The following ABCA4 variants were observed in gnomAD, a reference collection of about 807,000 sequenced individuals.
The protein encoded by ABCA4 is retinal-specific phospholipid-transporting ATPase ABCA4.
In ABCA4, 196 loss-of-function variants were observed where a neutral mutation model predicts 263.7. The ratio of observed to expected loss-of-function variants is 0.74; its 90% CI spans 0.66 to 0.84. The LOEUF is 0.84. ABCA4 is among the 40% of genes least tolerant of loss of function. The probability of loss-of-function intolerance (pLI) is 0.00; values close to 1 mark genes in which losing one functional copy is unlikely to be tolerated. For synonymous variants in ABCA4, 1,133 were observed against 1,094.2 expected (o/e 1.04, Z -0.70); for missense variants, 2,792 against 2,855.1 (o/e 0.98, Z 0.50).
chr1:94,093,164 T>C (rs993661880), intron 6 of ABCA4, among the ~76,000 whole-genome samples: 2 of 152,198 alleles, frequency 1.3e-5, no homozygotes, highest in Admixed American at 6.5e-5. Flanking sequence ...GGGAGGATGC[T>C]GAATACTTCA....
At chr1:94,022,160 G>C (rs551184149) in intron 32 of ABCA4, among the ~76,000 whole-genome samples, 1 of 152,310 alleles carries the variant, frequency 6.6e-6, no homozygotes, top group South Asian at 2.1e-4. Context: ...TGGCCTCTGA[G>C]GCCCTTCTGC....
In ABCA4 at chr1:94,030,994, A is replaced by T; in HGVS notation, c.4253+2T>A. 6.2e-7 allele frequency: 1 copy of T among 1,613,980 alleles called. No homozygotes were observed. On this transcript the variant is annotated splice_donor_variant, in intron 28 of 49. Transcript: ENST00000370225. LOFTEE classifies it high-confidence loss of function. Reference sequence around the variant, plus strand: ...GAGAATGGTGACCCCGAGTCCGCGCACCTGAAGAAGGTGTACTGCTGCCCA... The same window carrying T: ...GAGAATGGTGACCCCGAGTCCGCGCTCCTGAAGAAGGTGTACTGCTGCCCA...
chr1:94,000,861 C>A lies in ABCA4; in HGVS notation c.6454G>T (p.Gly2152Cys), dbSNP rs1571241947. ...TTGGACTTGAGATGCTGAATGGTGCCCATACATCGAAAGGCGCCCTTTACC... is the reference window on the plus strand; with the variant it reads ...TTGGACTTGAGATGCTGAATGGTGCACATACATCGAAAGGCGCCCTTTACC... ...IMVKGAFRCMGTIQHLKSKFG... is the reference protein window; with the variant it reads ...IMVKGAFRCMCTIQHLKSKFG... Residue 2152 changes from glycine (G) to cysteine (C), a missense_variant, in exon 47 of 50, where the codon GGC becomes TGC. Coordinates refer to ENST00000370225, the MANE Select transcript of ABCA4 (RefSeq NM_000350.3). 1.2e-6 allele frequency: 2 copies of A among 1,614,146 alleles called. No homozygotes were observed. The highest frequency in any genetic ancestry group is 1.7e-6 in the Non-Finnish European group (2 of 1,180,030).
At chr1:94,054,243 T>G (rs1316528196) in intron 16 of ABCA4, among the ~76,000 whole-genome samples, 1 of 152,254 alleles carries the variant, frequency 6.6e-6, no homozygotes, top group Non-Finnish European at 1.5e-5. Flanking sequence ...GCACTGGGAC[T>G]GTCACAGTTA....
chr1:94,051,572 TC>T, intron 17 of ABCA4, 60 bp downstream of exon 17: 1 of 1,431,222 alleles, frequency 7.0e-7, no homozygotes, highest in Non-Finnish European at 9.9e-7. Flanking sequence ...TCCATATACA[TC>T]TTGCACAGAG....
At chr1:94,067,995 T>A (rs1334173800) in intron 11 of ABCA4, among the ~76,000 whole-genome samples, 1 of 152,224 alleles carries the variant, frequency 6.6e-6, no homozygotes. Context: ...GTCAACAGAC[T>A]TTTAAGCCCC....
intron 2 of ABCA4, among the ~76,000 whole-genome samples, chr1:94,111,849 G>A (rs753474850): frequency 6.6e-6 from 1 of 152,174 alleles, no homozygotes; most frequent in Non-Finnish European, 1.5e-5. Context: ...AAGCAAGGGG[G>A]GACACGTCAT....
At chr1:94,096,916 A>G (rs1235446956) in intron 6 of ABCA4, among the ~76,000 whole-genome samples, 1 of 152,188 alleles carries the variant, frequency 6.6e-6, no homozygotes, top group East Asian at 1.9e-4. Flanking sequence ...CATTCTGCCC[A>G]TTCTACAAAG....
chr1:94,015,082 TG>T (rs1195351317), intron 37 of ABCA4, among the ~76,000 whole-genome samples: 1 of 152,230 alleles, frequency 6.6e-6, no homozygotes, highest in African/African-American at 2.4e-5. Context: ...ATAGTCAGGT[TG>T]GTTCCCAAAT....
chr1:93,998,204 G>A (rs778384556), intron 47 of ABCA4, 94 bp from the exon 48 acceptor site: 37 of 1,574,508 alleles, frequency 2.3e-5, no homozygotes, highest in Non-Finnish European at 3.1e-5. Context: ...AAATTTTGGG[G>A]ATTAAGCTCA....
At chr1:94,020,195 AC>A (rs1383137879) in intron 35 of ABCA4, among the ~76,000 whole-genome samples, 3 of 152,228 alleles carry the variant, frequency 2.0e-5, no homozygotes, top group Non-Finnish European at 4.4e-5. Context: ...TTCAAGAAGT[AC>A]ATCGTAACAC....
At chr1:94,035,209 G>T (rs545177542) in intron 26 of ABCA4, among the ~76,000 whole-genome samples, 1 of 152,312 alleles carries the variant, frequency 6.6e-6, no homozygotes, top group South Asian at 2.1e-4. Context: ...ACAGGTAAAA[G>T]GCCCTAACTC....
At chr1:94,045,361 T>C (rs1390235404) in intron 19 of ABCA4, among the ~76,000 whole-genome samples, 1 of 151,228 alleles carries the variant, frequency 6.6e-6, no homozygotes, top group East Asian at 1.9e-4. Context: ...GACTCCCATG[T>C]CCTTAGGTTG....
intron 26 of ABCA4, among the ~76,000 whole-genome samples, chr1:94,035,977 T>C (rs915560944): frequency 2.0e-5 from 3 of 152,216 alleles, no homozygotes; most frequent in Admixed American, 6.5e-5. Flanking sequence ...TCAAAGCCCA[T>C]AGACCACTAA....
intron 2 of ABCA4, among the ~76,000 whole-genome samples, chr1:94,112,506 T>C (rs986175794): frequency 1.3e-5 from 2 of 152,178 alleles, no homozygotes; most frequent in Non-Finnish European, 2.9e-5. Context: ...GATTAAAACA[T>C]GAAAATTTGG....
intron 14 of ABCA4, among the ~76,000 whole-genome samples, chr1:94,059,115 C>G (rs1262855731): frequency 6.6e-6 from 1 of 152,214 alleles, no homozygotes; most frequent in East Asian, 1.9e-4. Flanking sequence ...GGGCAGATCT[C>G]AATGCTGCTT....
In ABCA4 at chr1:94,009,696, A is replaced by G. The variant is rs541307828; in HGVS notation, c.5715-825T>C. On this transcript the variant is annotated intron_variant, in intron 40 of 49. Transcript: ENST00000370225. Reference sequence around the variant, plus strand: ...CCTGACCTTCTGGAAGCCAGGGACTATGGTGTACTTCTCTGGTCCTCTTTA... The same window carrying G: ...CCTGACCTTCTGGAAGCCAGGGACTGTGGTGTACTTCTCTGGTCCTCTTTA... Among the ~76,000 whole-genome samples, 24 of 152,296 alleles carry G rather than the reference A, an allele frequency of 1.6e-4. No individual in the cohort carries two copies. The South Asian group carries it at 4.6e-3, about 29-fold the overall frequency.
intron 11 of ABCA4, among the ~76,000 whole-genome samples, chr1:94,066,251 G>A (rs1661263884): frequency 6.6e-6 from 1 of 152,212 alleles, no homozygotes; most frequent in African/African-American, 2.4e-5. Context: ...GATTGACAGT[G>A]TGATGCTTGG....
At chr1:94,046,897 G>A (rs1193056371) in intron 19 of ABCA4, 22 bp downstream of exon 19, 14 of 1,613,150 alleles carry the variant, frequency 8.7e-6, no homozygotes, top group Non-Finnish European at 1.2e-5. Flanking sequence ...ATGGCAGCCA[G>A]CTTCTCTGCT....
Sources: gnomAD v4.1 joint callset for allele counts (sites outside exome capture counted in the v4.1 genomes callset) on GRCh38, gnomAD v4.1.1 for gene constraint, MANE v1.5 for transcripts, NCBI Gene and HGNC (gene_info 2026-07-23, HGNC 2026-07-21) for gene names.